Variants in TNR observed in about 807,000 individuals in gnomAD.
TNR encodes tenascin-R.
TNR carries 45 observed loss-of-function variants against 150.4 expected under a neutral mutation model. The ratio of observed to expected loss-of-function variants is 0.30; its 90% CI spans 0.24 to 0.38. The LOEUF is 0.38. TNR is among the 10% of genes least tolerant of loss of function. The pLI, the probability that TNR is intolerant of heterozygous loss-of-function variation, is 1.00. For missense variants in TNR, 1,544 were observed against 1,759.1 expected (o/e 0.88, Z 2.19); for synonymous variants, 687 against 678.4 (o/e 1.01, Z -0.20).
At chr1:175,681,690 G>A (rs1666038793) in intron 1 of TNR, among the ~76,000 whole-genome samples, 1 of 152,300 alleles carries the variant, frequency 6.6e-6, no homozygotes, top group African/African-American at 2.4e-5. Context: ...GTACAACAGT[G>A]GGAGCAGTGA....
intron 2 of TNR, among the ~76,000 whole-genome samples, chr1:175,482,177 A>G (rs1657838763): frequency 6.6e-6 from 1 of 152,252 alleles, no homozygotes; most frequent in Admixed American, 6.5e-5. Context: ...GTTGAATGAA[A>G]GAACGAGTGA....
intron 2 of TNR, among the ~76,000 whole-genome samples, chr1:175,462,026 G>C (rs968101652): frequency 2.0e-5 from 3 of 152,208 alleles, no homozygotes; most frequent in African/African-American, 7.2e-5. Flanking sequence ...CTATAATGTA[G>C]AGTTGTTTTG....
chr1:175,635,751 T>C (rs1664473432), intron 1 of TNR, among the ~76,000 whole-genome samples: 1 of 152,088 alleles, frequency 6.6e-6, no homozygotes, highest in Admixed American at 6.6e-5. Flanking sequence ...AATTAAACAA[T>C]AGCACACATT....
At chr1:175,473,281 C>T (rs1443122101) in intron 2 of TNR, among the ~76,000 whole-genome samples, 1 of 152,192 alleles carries the variant, frequency 6.6e-6, no homozygotes, top group Non-Finnish European at 1.5e-5. Context: ...CATTAAGCTT[C>T]TGGTTTCTGT....
At chr1:175,712,297 A>T (rs1558086287) in intron 1 of TNR, among the ~76,000 whole-genome samples, 1 of 152,140 alleles carries the variant, frequency 6.6e-6, no homozygotes, top group Non-Finnish European at 1.5e-5. Context: ...AAGAGCCATT[A>T]AAAAAATTGA....
At chr1:175,369,016 CA>C (rs1467622382) in intron 9 of TNR, among the ~76,000 whole-genome samples, 1 of 152,086 alleles carries the variant, frequency 6.6e-6, no homozygotes, top group Non-Finnish European at 1.5e-5. Flanking sequence ...ATCAAGTGAT[CA>C]CCCTGAGGGC....
At chr1:175,672,391 T>C (rs1665730344) in intron 1 of TNR, among the ~76,000 whole-genome samples, 2 of 152,236 alleles carry the variant, frequency 1.3e-5, no homozygotes. Context: ...ACTCAGGGAC[T>C]GGGCCTGAAG....
At position 175,406,364 on chromosome 1, in the gene TNR, C is replaced by T. The variant is rs774585508; in HGVS notation, c.351G>A (p.Arg117=). The T allele has an allele frequency of 6.2e-7, 1 of 1,614,080 alleles. No homozygotes were observed. Among genetic ancestry groups the T allele is most frequent in the African/African-American group, 1.3e-5 (1 of 75,010 alleles). The stretch of plus-strand genomic sequence containing the variant: ...GACAGGCCTTTTTGGGGAAGTTGAT[C>T]CTGTGTGTAAAGGTGACCTGGCTCT... ...DHESQVTFTH[R]INFPKKACPC... The change falls in exon 3 of 23, where the codon AGG becomes AGA. Residue 117 remains arginine, a synonymous_variant. Transcript: ENST00000367674.
At chr1:175,355,022 G>T (rs557549733) in intron 17 of TNR, among the ~76,000 whole-genome samples, 1 of 152,268 alleles carries the variant, frequency 6.6e-6, no homozygotes, top group East Asian at 1.9e-4. Flanking sequence ...TTTACTGTAG[G>T]CTACACAGAT....
chr1:175,528,866 C>G (rs898444454), intron 1 of TNR, among the ~76,000 whole-genome samples: 1 of 152,184 alleles, frequency 6.6e-6, no homozygotes, highest in African/African-American at 2.4e-5. Flanking sequence ...ACTCTGGACT[C>G]CCAACTCTTC....
At position 175,406,639 on chromosome 1, in the gene TNR, T is replaced by C. The variant is rs763516812; in HGVS notation, c.76A>G (p.Ile26Val). The change falls in exon 3 of 23, where the codon ATC becomes GTC. Residue 26 changes from isoleucine to valine, a missense_variant. Physicochemically the swap from Ile to Val is conservative, Grantham distance 29. Coordinates refer to ENST00000367674, the MANE Select transcript of TNR (RefSeq NM_003285.3). ...GINLILLGSM[I>V]KPSECQLEVT... ...TCCAGCTGACACTCTGAAGGCTTGATCATGGAGCCCAGAAGGATCAGGTTG... is the reference window on the plus strand; with the variant it reads ...TCCAGCTGACACTCTGAAGGCTTGACCATGGAGCCCAGAAGGATCAGGTTG... 3.7e-6 allele frequency: 6 copies of C among 1,614,116 alleles called. No homozygotes were observed. In the South Asian group the frequency reaches 6.6e-5, roughly 18 times the overall value.
intron 2 of TNR, among the ~76,000 whole-genome samples, chr1:175,454,639 T>G (rs909100377): frequency 6.6e-6 from 1 of 152,104 alleles, no homozygotes; most frequent in Non-Finnish European, 1.5e-5. Context: ...ACCTGGCTAA[T>G]TTTTGTGTTT....
At chr1:175,674,263 T>C (rs1382642353) in intron 1 of TNR, among the ~76,000 whole-genome samples, 1 of 152,164 alleles carries the variant, frequency 6.6e-6, no homozygotes, top group African/African-American at 2.4e-5. Flanking sequence ...CAGGGATGAA[T>C]GCTCATTTTC....
chr1:175,432,887 T>G (rs1655340050), intron 2 of TNR, among the ~76,000 whole-genome samples: 1 of 152,022 alleles, frequency 6.6e-6, no homozygotes, highest in African/African-American at 2.4e-5. Context: ...TTTTTAGGAG[T>G]GGCCAGGTAA....
At chr1:175,682,533 C>G (rs1483287546) in intron 1 of TNR, among the ~76,000 whole-genome samples, 1 of 152,130 alleles carries the variant, frequency 6.6e-6, no homozygotes. Context: ...ACTGGAAGTC[C>G]TGACTCCCAC....
At chr1:175,597,225 C>T (rs1663045603) in intron 1 of TNR, among the ~76,000 whole-genome samples, 1 of 152,154 alleles carries the variant, frequency 6.6e-6, no homozygotes, top group East Asian at 1.9e-4. Flanking sequence ...TCTCAGGGGC[C>T]AGCACAGTGG....
chr1:175,555,763 A>G lies in TNR; in HGVS notation c.-164-27394T>C, dbSNP rs551206265. Among the ~76,000 whole-genome samples, 9 of 152,328 alleles carry G rather than the reference A, an allele frequency of 5.9e-5. No homozygotes were observed. In the East Asian group the frequency reaches 1.7e-3, roughly 29 times the overall value. On this transcript the variant is annotated intron_variant, in intron 1 of 22. Transcript: ENST00000367674. ...TACTTTACTATTAATGAAAAACAAGAAGCGTAAAACCATGAAGAATCTAAA... is the reference window on the plus strand; with the variant it reads ...TACTTTACTATTAATGAAAAACAAGGAGCGTAAAACCATGAAGAATCTAAA...
rs190436701 is a variant in TNR, at chr1:175,720,975, C to T, written c.-165+22251G>A. Among the ~76,000 whole-genome samples, 470 of 152,302 alleles carry T rather than the reference C, an allele frequency of 3.1e-3. 4 individuals carry two copies. The highest frequency in any genetic ancestry group is 0.014 in the Middle Eastern group (4 of 294). The stretch of plus-strand genomic sequence containing the variant: ...GGGCTTAGCAATCATCTTGCCCAAC[C>T]CTCTCATTTTTCAGATGGAGGAAGC... On this transcript the variant is annotated intron_variant, in intron 1 of 22. Coordinates refer to ENST00000367674, the MANE Select transcript of TNR (RefSeq NM_003285.3).
intron 1 of TNR, among the ~76,000 whole-genome samples, chr1:175,540,544 A>G: frequency 6.6e-6 from 1 of 152,222 alleles, no homozygotes; most frequent in Non-Finnish European, 1.5e-5. Flanking sequence ...AGCTACAGAT[A>G]GCCCTGGCCT....
Sources: gnomAD v4.1 joint callset for allele counts (sites outside exome capture counted in the v4.1 genomes callset) on GRCh38, gnomAD v4.1.1 for gene constraint, MANE v1.5 for transcripts, NCBI Gene and HGNC (gene_info 2026-07-23, HGNC 2026-07-21) for gene names.